Variants in MLLT10 observed in about 807,000 individuals in gnomAD.
The protein encoded by MLLT10 is protein AF-10.
A neutral mutation model predicts 129.1 loss-of-function variants in MLLT10; 30 were observed. That is an observed-to-expected ratio of 0.23 (90% CI 0.17 to 0.32). The LOEUF (loss-of-function observed/expected upper bound fraction) is 0.32. Ranked by LOEUF, MLLT10 falls within the 10% of genes least tolerant of loss-of-function variation. The pLI is 1.00. For synonymous variants in MLLT10, 490 were observed against 446.4 expected, an observed-to-expected ratio of 1.10 and a Z score of -1.23; for missense variants, 1,119 against 1,268.3, an observed-to-expected ratio of 0.88 and a Z score of 1.79.
At chr10:21,623,987 A>G (rs545837257) in intron 8 of MLLT10, among the ~76,000 whole-genome samples, 53 of 152,322 alleles carry the variant, frequency 3.5e-4, no homozygotes, top group African/African-American at 1.2e-3. Context: ...TGGAAATACA[A>G]TCACATCAAA....
intron 5 of MLLT10, among the ~76,000 whole-genome samples, chr10:21,608,729 A>G: frequency 6.6e-6 from 1 of 151,934 alleles, no homozygotes. Flanking sequence ...AGGTTATGTA[A>G]TCTCTATTGA....
intron 13 of MLLT10, among the ~76,000 whole-genome samples, chr10:21,713,435 A>G (rs2056286145): frequency 6.6e-6 from 1 of 151,816 alleles, no homozygotes; most frequent in African/African-American, 2.4e-5. Flanking sequence ...TTTTTATGGA[A>G]CTCTAATTGC....
chr10:21,547,751 C>G (rs2036343366), intron 3 of MLLT10, among the ~76,000 whole-genome samples: 1 of 152,080 alleles, frequency 6.6e-6, no homozygotes, highest in South Asian at 2.1e-4. Flanking sequence ...GTTGGCCAGG[C>G]TGTTCTTGAA....
At chr10:21,733,169 C>T in intron 18 of MLLT10, 82 bp downstream of exon 18, 2 of 1,325,790 alleles carry the variant, frequency 1.5e-6, no homozygotes, top group South Asian at 1.5e-5. Flanking sequence ...AATAATTGGT[C>T]ACCAGTTATA....
intron 13 of MLLT10, among the ~76,000 whole-genome samples, chr10:21,692,654 T>C (rs2053983001): frequency 6.6e-6 from 1 of 151,770 alleles, no homozygotes; most frequent in African/African-American, 2.4e-5. Flanking sequence ...AATTTTTTTT[T>C]TTTTCTTTTT....
chr10:21,620,811 C>T (rs939214496), intron 8 of MLLT10, among the ~76,000 whole-genome samples: 3 of 151,860 alleles, frequency 2.0e-5, no homozygotes, highest in African/African-American at 4.8e-5. Flanking sequence ...CTGCCTCACC[C>T]TCCCGAATAG....
At chr10:21,628,733 G>C (rs2046713692) in intron 8 of MLLT10, among the ~76,000 whole-genome samples, 1 of 134,484 alleles carries the variant, frequency 7.4e-6, no homozygotes. Context: ...GAACCACTGT[G>C]CCCTGCCTTT....
chr10:21,682,107 A>G lies in MLLT10; in HGVS notation c.1667-118A>G, dbSNP rs1376022888. On this transcript the variant is annotated intron_variant, in intron 12 of 22. Transcript: ENST00000307729. ...AGCTTGCAGTTTTAATGATTCAAACAATGATATATGATAGACTTACTGAAA... is the reference window on the plus strand; with the variant it reads ...AGCTTGCAGTTTTAATGATTCAAACGATGATATATGATAGACTTACTGAAA... The G allele has an allele frequency of 1.6e-5, 11 of 700,480 alleles. No individual in the cohort carries two copies. The South Asian group carries it at 3.0e-4, about 19-fold the overall frequency. 43.4% of individuals were successfully genotyped at this position (700,480 alleles called of 1,614,324 possible). A position where few individuals can be genotyped will look rare whatever the true frequency, so the allele number is the denominator to read the frequency against.
At chr10:21,733,218 G>T in intron 18 of MLLT10, 131 bp downstream of exon 18, 4 of 887,380 alleles carry the variant, frequency 4.5e-6, no homozygotes, top group Non-Finnish European at 4.9e-6. Flanking sequence ...GTTTTTGAAG[G>T]GCATAAAGAA....
chr10:21,542,121 A>G (rs2035277987), intron 3 of MLLT10, among the ~76,000 whole-genome samples: 1 of 152,172 alleles, frequency 6.6e-6, no homozygotes, highest in South Asian at 2.1e-4. Flanking sequence ...AGATAGGAAA[A>G]TAAGGTGGGT....
intron 9 of MLLT10, among the ~76,000 whole-genome samples, chr10:21,667,152 CG>C (rs1348785130): frequency 3.3e-5 from 5 of 151,880 alleles, no homozygotes; most frequent in African/African-American, 1.2e-4. Context: ...TTTTCTAGAT[CG>C]AATGTTTTCA....
chr10:21,619,025 G>GAC lies in MLLT10; in HGVS notation c.699+1820_699+1821dup, dbSNP rs1225546623. ...ACAGGCGTGAGCCACCGTGCCTGGT[G>GAC]ACATACACACACACACACACACACA... On this transcript the variant is annotated intron_variant, in intron 8 of 22. Coordinates refer to ENST00000307729, the MANE Select transcript of MLLT10 (RefSeq NM_001195626.3). Among the ~76,000 whole-genome samples, 444 of 100,612 alleles carry GAC rather than the reference G, an allele frequency of 4.4e-3. 2 individuals carry two copies. The highest frequency in any genetic ancestry group is 0.017 in the African/African-American group (413 of 24,592). 66.0% of individuals were successfully genotyped at this position (100,612 alleles called of 152,430 possible). A position where few individuals can be genotyped will look rare whatever the true frequency, so the allele number is the denominator to read the frequency against.
chr10:21,732,567 A>C (rs1384652246), intron 17 of MLLT10, among the ~76,000 whole-genome samples: 3 of 152,234 alleles, frequency 2.0e-5, no homozygotes, highest in Non-Finnish European at 4.4e-5. Context: ...AATTTTTAAT[A>C]GGCTTTTATT....
intron 4 of MLLT10, among the ~76,000 whole-genome samples, chr10:21,588,526 A>G (rs2042211039): frequency 6.6e-6 from 1 of 152,024 alleles, no homozygotes; most frequent in South Asian, 2.1e-4. Flanking sequence ...TATCTATAGG[A>G]TTATTAATTT....
rs56000691 is a variant in MLLT10 at position 21,676,720 on chromosome 10, C to CAAAAAAAAAAAAAAAAA, written c.1621+2821_1621+2837dup. Among the ~76,000 whole-genome samples the CAAAAAAAAAAAAAAAAA allele has an allele frequency of 2.2e-4, 7 of 32,012 alleles. 2 individuals are homozygous for CAAAAAAAAAAAAAAAAA. The highest frequency in any genetic ancestry group is 4.9e-3 in the East Asian group (2 of 412). The allele number at this position is 32,012 out of a possible 152,430, so 21.0% of individuals were successfully genotyped here. On this transcript the variant is annotated intron_variant, in intron 11 of 22. Transcript: ENST00000307729. ...TGGGAGACAGAGCGAGACTCCATCTCAAAAAAAAAAAAAAAAAAAAAAAAA... is the reference window on the plus strand; with the variant it reads ...TGGGAGACAGAGCGAGACTCCATCTCAAAAAAAAAAAAAAAAAAAAAAAAAAAAAAAAAAAAAAAAAA...
intron 3 of MLLT10, among the ~76,000 whole-genome samples, chr10:21,549,411 G>A (rs955171006): frequency 6.6e-6 from 1 of 151,674 alleles, no homozygotes; most frequent in Non-Finnish European, 1.5e-5. Flanking sequence ...CACCCGTCCA[G>A]TTATTCTTTT....
intron 4 of MLLT10, among the ~76,000 whole-genome samples, chr10:21,593,099 A>ATT (rs34081128): frequency 0.016 from 2,344 of 146,036 alleles, 41 homozygotes; most frequent in African/African-American, 0.042. Flanking sequence ...CCACCCATTG[A>ATT]TTTTTTTTTT....
At chr10:21,664,305 G>T (rs1244335086) in intron 9 of MLLT10, among the ~76,000 whole-genome samples, 6 of 145,968 alleles carry the variant, frequency 4.1e-5, no homozygotes, top group Non-Finnish European at 3.0e-5. Flanking sequence ...TTTTTTGTTT[G>T]CTTTTTGTTT....
At position 21,595,083 on chromosome 10, in the gene MLLT10, G is replaced by GCCT. The variant is rs560606176; in HGVS notation, c.296-248_296-247insCCT. 3.9e-5 allele frequency among the ~76,000 whole-genome samples: 6 copies of GCCT among 152,262 alleles called. No homozygotes were observed. In the East Asian group the frequency reaches 1.2e-3, roughly 29 times the overall value. On this transcript the variant is annotated intron_variant, in intron 4 of 22. Transcript: ENST00000307729. The stretch of plus-strand genomic sequence containing the variant: ...ATAAGAAGTGTTAGTGCCAACATCT[G>GCCT]AATTTATAAATGTTTCCCTTTATTT...
Sources: allele counts gnomAD v4.1 joint callset (sites outside exome capture counted in the v4.1 genomes callset), GRCh38; gene constraint gnomAD v4.1.1; transcripts MANE v1.5; gene names NCBI Gene and HGNC (gene_info 2026-07-23, HGNC 2026-07-21).